GRIK2: variants seen among roughly 807,000 people sequenced by gnomAD.
GRIK2 encodes the protein glutamate ionotropic receptor kainate type subunit 2.
In GRIK2, 32 loss-of-function variants were observed where a neutral mutation model predicts 100.3. The observed-to-expected ratio is 0.32, with a 90% CI of 0.24 to 0.43. GRIK2 has a LOEUF of 0.43. Among genes scored for constraint, GRIK2 ranks in the 20% least tolerant of loss-of-function variants. GRIK2 has a pLI of 1.00. For missense variants in GRIK2, 843 were observed against 1,114.9 expected, an observed-to-expected ratio of 0.76 and a Z score of 3.47; for synonymous variants, 417 against 389.4, an observed-to-expected ratio of 1.07 and a Z score of -0.83.
At chr6:101,710,026 T>C (rs1001331717) in intron 7 of GRIK2, among the ~76,000 whole-genome samples, 4 of 151,880 alleles carry the variant, frequency 2.6e-5, no homozygotes, top group Admixed American at 2.6e-4. Context: ...TTATTAACTC[T>C]GGGAATTATA....
intron 2 of GRIK2, among the ~76,000 whole-genome samples, chr6:101,580,109 T>C (rs1778005522): frequency 6.6e-6 from 1 of 152,166 alleles, no homozygotes; most frequent in Non-Finnish European, 1.5e-5. Flanking sequence ...TAACTTTAAA[T>C]ACTGCCACAA....
chr6:101,645,748 A>C (rs370010896), intron 4 of GRIK2, among the ~76,000 whole-genome samples: 18 of 151,870 alleles, frequency 1.2e-4, no homozygotes, highest in African/African-American at 4.3e-4. Context: ...GCATTATGTA[A>C]AAAAGCTTGA....
At position 101,777,152 on chromosome 6, in the gene GRIK2, G is replaced by A. The variant is rs145045227; in HGVS notation, c.952-22496G>A. ...AGCCAGCAACAGAGAAAGCATAATG[G>A]CAGCTGCAGTGTAACTGGGAGAATT... On this transcript the variant is annotated intron_variant, in intron 7 of 16. Transcript: ENST00000369134. 3.3e-4 allele frequency among the ~76,000 whole-genome samples: 50 copies of A among 152,338 alleles called. 1 individual carries two copies. In the East Asian group the frequency reaches 9.1e-3, roughly 28 times the overall value.
At chr6:101,738,455 C>A (rs1037744075) in intron 7 of GRIK2, among the ~76,000 whole-genome samples, 1 of 152,126 alleles carries the variant, frequency 6.6e-6, no homozygotes, top group Non-Finnish European at 1.5e-5. Flanking sequence ...TACTTAGATA[C>A]TATATGCAAA....
Position 101,794,203 on chromosome 6 carries a change from G to C in GRIK2, c.952-5445G>C, listed in dbSNP as rs1554264349. Among the ~76,000 whole-genome samples, 3 of 152,054 alleles carry C rather than the reference G, an allele frequency of 2.0e-5. 1 individual carries two copies. In the South Asian group the frequency reaches 6.2e-4, roughly 32 times the overall value. On this transcript the variant is annotated intron_variant, in intron 7 of 16. Transcript: ENST00000369134. ...CTCGCCCTGCTTCGGCTCGCGCACA[G>C]TGCACTGCACTGCTGTTCTGTGCCC...
At chr6:101,563,830 G>A (rs1214680216) in intron 2 of GRIK2, among the ~76,000 whole-genome samples, 1 of 151,726 alleles carries the variant, frequency 6.6e-6, no homozygotes, top group African/African-American at 2.4e-5. Flanking sequence ...CATTATCCTT[G>A]TCTTTCTGAT....
intron 10 of GRIK2, among the ~76,000 whole-genome samples, chr6:101,841,672 GA>G (rs1783513858): frequency 6.6e-6 from 1 of 152,050 alleles, no homozygotes; most frequent in African/African-American, 2.4e-5. Flanking sequence ...CCTGCAGAAA[GA>G]TTTTTTGAAA....
At chr6:101,686,511 T>C (rs1367765228) in intron 7 of GRIK2, among the ~76,000 whole-genome samples, 158 bp downstream of exon 7, 1 of 152,100 alleles carries the variant, frequency 6.6e-6, no homozygotes, top group Non-Finnish European at 1.5e-5. Context: ...GTATTAACAA[T>C]TTTTTTAAAT....
intron 5 of GRIK2, among the ~76,000 whole-genome samples, chr6:101,678,245 C>A (rs1255324343): frequency 1.3e-5 from 2 of 152,038 alleles, no homozygotes; most frequent in Non-Finnish European, 2.9e-5. Flanking sequence ...AGGTGAGAAG[C>A]CTGTCACCTT....
intron 2 of GRIK2, among the ~76,000 whole-genome samples, chr6:101,563,029 T>C (rs985461680): frequency 3.3e-5 from 5 of 152,202 alleles, no homozygotes; most frequent in Admixed American, 6.5e-5. Context: ...CTAAAAAATA[T>C]GTTTGATAGG....
chr6:101,839,267 A>T (rs1335952056), intron 10 of GRIK2, among the ~76,000 whole-genome samples: 1 of 152,196 alleles, frequency 6.6e-6, no homozygotes, highest in Non-Finnish European at 1.5e-5. Flanking sequence ...ACTTTTCACC[A>T]ATCCTTGAGC....
intron 14 of GRIK2, among the ~76,000 whole-genome samples, chr6:102,000,953 T>G (rs554083699): frequency 2.0e-5 from 3 of 152,242 alleles, no homozygotes; most frequent in African/African-American, 7.2e-5. Flanking sequence ...TTTCTTTTTC[T>G]AATTCTTTTT....
chr6:101,955,555 C>T (rs1791864583), intron 14 of GRIK2, among the ~76,000 whole-genome samples: 1 of 139,816 alleles, frequency 7.2e-6, no homozygotes, highest in African/African-American at 2.6e-5. Context: ...AGAGTCCCAG[C>T]CTGAGCAACA....
chr6:101,796,209 C>G (rs1189938085), intron 7 of GRIK2, among the ~76,000 whole-genome samples: 1 of 152,206 alleles, frequency 6.6e-6, no homozygotes, highest in East Asian at 1.9e-4. Flanking sequence ...TCCTATTTGA[C>G]ACATACTTGA....
At chr6:101,920,724 T>A (rs985346120) in intron 12 of GRIK2, among the ~76,000 whole-genome samples, 40 of 53,052 alleles carry the variant, frequency 7.5e-4, no homozygotes, top group African/African-American at 2.5e-3. Flanking sequence ...TAAGAATAAA[T>A]ACAGGGCTTT....
At chr6:101,483,385 G>T (rs1486268175) in intron 2 of GRIK2, among the ~76,000 whole-genome samples, 2 of 152,082 alleles carry the variant, frequency 1.3e-5, no homozygotes, top group African/African-American at 4.8e-5. Context: ...TTAGTAGTGG[G>T]TTCAAATATG....
chr6:101,599,699 T>G (rs897886875), intron 2 of GRIK2, among the ~76,000 whole-genome samples: 6 of 151,938 alleles, frequency 3.9e-5, no homozygotes, highest in Middle Eastern at 3.4e-3. Context: ...TGACCACATG[T>G]ATGTCTTCTT....
rs990942864 is a variant in GRIK2, at chr6:101,755,599, T to A, written c.952-44049T>A. On this transcript the variant is annotated intron_variant, in intron 7 of 16. Coordinates refer to ENST00000369134, the MANE Select transcript of GRIK2 (RefSeq NM_021956.5). Reference sequence around the variant, plus strand: ...ATATAATGGGAGAAAATGAGTTCCATCTTCCAGATAAACTAGTGTGTTATC... The same window carrying A: ...ATATAATGGGAGAAAATGAGTTCCAACTTCCAGATAAACTAGTGTGTTATC... 1.3e-4 allele frequency among the ~76,000 whole-genome samples: 20 copies of A among 152,320 alleles called. No homozygotes were observed. In the East Asian group the frequency reaches 3.9e-3, roughly 29 times the overall value.
chr6:101,864,816 CAG>C (rs902151237), intron 11 of GRIK2, among the ~76,000 whole-genome samples: 20 of 152,044 alleles, frequency 1.3e-4, no homozygotes, highest in African/African-American at 4.6e-4. Flanking sequence ...ATAATGTTAT[CAG>C]AGAAAAGGGG....
Sources: gnomAD v4.1 joint callset for allele counts (sites outside exome capture counted in the v4.1 genomes callset) on GRCh38, gnomAD v4.1.1 for gene constraint, MANE v1.5 for transcripts, NCBI Gene and HGNC (gene_info 2026-07-23, HGNC 2026-07-21) for gene names.